The following SLC24A2 variants were observed in gnomAD, a reference collection of about 807,000 sequenced individuals.
The protein encoded by SLC24A2 is solute carrier family 24 member 2.
SLC24A2 carries 36 observed loss-of-function variants against 62.0 expected under a neutral mutation model. The ratio of observed to expected loss-of-function variants is 0.58; its 90% confidence interval spans 0.44 to 0.77. The LOEUF (loss-of-function observed/expected upper bound fraction) is 0.77. SLC24A2 is among the 30% of genes least tolerant of loss of function. SLC24A2 has a pLI of 0.00. For synonymous variants in SLC24A2, 358 were observed against 294.0 expected, an observed-to-expected ratio of 1.22 and a Z score of -2.23; for missense variants, 846 against 817.9, an observed-to-expected ratio of 1.03 and a Z score of -0.42.
chr9:19,976,573 TTC>T, the SLC24A2 span, among the ~76,000 whole-genome samples: 2 of 152,252 alleles, frequency 1.3e-5, no homozygotes, highest in Admixed American at 1.3e-4. Context: ...CAAACCTCTT[TTC>T]TTCATAAATT....
the SLC24A2 span, among the ~76,000 whole-genome samples, chr9:19,855,994 T>C: frequency 6.6e-6 from 1 of 152,218 alleles, no homozygotes; most frequent in Non-Finnish European, 1.5e-5. Context: ...CTTTTCATTT[T>C]TTTTCTCTAG....
the SLC24A2 span, among the ~76,000 whole-genome samples, chr9:20,154,270 G>A: frequency 6.6e-6 from 1 of 151,866 alleles, no homozygotes; most frequent in Non-Finnish European, 1.5e-5. Context: ...TGAGCAGAAA[G>A]CAAGCACAAA....
At chr9:20,056,155 CAA>C in the SLC24A2 span, among the ~76,000 whole-genome samples, 1 of 152,136 alleles carries the variant, frequency 6.6e-6, no homozygotes, top group Non-Finnish European at 1.5e-5. Context: ...ATATATTTAG[CAA>C]AGAGCCTGGC....
At chr9:19,535,731 T>C (rs1260785456) in intron 8 of SLC24A2, among the ~76,000 whole-genome samples, 1 of 152,194 alleles carries the variant, frequency 6.6e-6, no homozygotes. Flanking sequence ...GTGGTACCAG[T>C]ACCATGCTGT....
At chr9:19,947,512 C>A in the SLC24A2 span, among the ~76,000 whole-genome samples, 1 of 151,876 alleles carries the variant, frequency 6.6e-6, no homozygotes, top group African/African-American at 2.4e-5. Flanking sequence ...TTAGTTCGGC[C>A]GGGTGTGGTG....
chr9:20,226,828 C>T, the SLC24A2 span, among the ~76,000 whole-genome samples: 4 of 152,206 alleles, frequency 2.6e-5, no homozygotes, highest in African/African-American at 9.6e-5. Context: ...TGTATTACAA[C>T]CCCTACGGGG....
At chr9:19,696,038 A>G (rs1259362835) in intron 2 of SLC24A2, among the ~76,000 whole-genome samples, 2 of 152,148 alleles carry the variant, frequency 1.3e-5, no homozygotes, top group Non-Finnish European at 2.9e-5. Flanking sequence ...AGGTGGGCAA[A>G]GGGTGAGTGA....
intron 6 of SLC24A2, 70 bp from the exon 7 acceptor site, chr9:19,573,539 G>T: frequency 1.2e-6 from 1 of 850,086 alleles, no homozygotes; most frequent in South Asian, 1.3e-5. Flanking sequence ...CAGAGAGAGA[G>T]AGAGAGAGAG....
At chr9:19,516,711 T>C (rs1244386166) in intron 10 of SLC24A2, among the ~76,000 whole-genome samples, 1 of 152,196 alleles carries the variant, frequency 6.6e-6, no homozygotes, top group Non-Finnish European at 1.5e-5. Flanking sequence ...TTTGTTTCCT[T>C]CCTAGTTGAG....
the SLC24A2 span, among the ~76,000 whole-genome samples, chr9:19,933,170 G>A: frequency 3.9e-5 from 6 of 152,184 alleles, no homozygotes; most frequent in Non-Finnish European, 7.3e-5. Flanking sequence ...TGGGCACTTT[G>A]CTTGGACCTC....
At chr9:20,024,207 C>A in the SLC24A2 span, among the ~76,000 whole-genome samples, 2 of 152,180 alleles carry the variant, frequency 1.3e-5, no homozygotes, top group Admixed American at 6.5e-5. Flanking sequence ...CAAATCTAAA[C>A]AAAACGGAAC....
At chr9:19,669,758 A>G (rs1819362296) in intron 2 of SLC24A2, among the ~76,000 whole-genome samples, 1 of 152,218 alleles carries the variant, frequency 6.6e-6, no homozygotes, top group Non-Finnish European at 1.5e-5. Flanking sequence ...GACCCTTGTG[A>G]TGATTAGACC....
At chr9:20,142,527 C>A in the SLC24A2 span, among the ~76,000 whole-genome samples, 2 of 152,024 alleles carry the variant, frequency 1.3e-5, no homozygotes, top group Admixed American at 6.6e-5. Context: ...AAAGTTTCTA[C>A]GACACAACTA....
intron 8 of SLC24A2, among the ~76,000 whole-genome samples, chr9:19,532,605 TAAAG>T (rs917826356): frequency 7.2e-5 from 11 of 152,176 alleles, no homozygotes; most frequent in African/African-American, 2.4e-4. Context: ...TTTTAAGAGA[TAAAG>T]AAACTGATAA....
the SLC24A2 span, among the ~76,000 whole-genome samples, chr9:19,976,778 T>G: frequency 1.1e-4 from 17 of 152,320 alleles, no homozygotes; most frequent in Non-Finnish European, 2.1e-4. Context: ...CCTGTGGATA[T>G]CAAGGGACAA....
chr9:19,658,689 C>T (rs571465669), intron 2 of SLC24A2, among the ~76,000 whole-genome samples: 2 of 152,186 alleles, frequency 1.3e-5, no homozygotes, highest in Non-Finnish European at 2.9e-5. Flanking sequence ...CAATGATATC[C>T]TGCCCTGGGG....
At chr9:20,178,566 C>A in the SLC24A2 span, among the ~76,000 whole-genome samples, 1 of 152,104 alleles carries the variant, frequency 6.6e-6, no homozygotes, top group South Asian at 2.1e-4. Flanking sequence ...CCCTACCTCA[C>A]CCCTCAGGAA....
the SLC24A2 span, among the ~76,000 whole-genome samples, chr9:20,163,919 G>A: frequency 5.9e-5 from 9 of 152,242 alleles, no homozygotes; most frequent in Non-Finnish European, 1.0e-4. Flanking sequence ...TGGGAAAACT[G>A]GCTAGCCATA....
chr9:20,008,974 C>T, the SLC24A2 span, among the ~76,000 whole-genome samples: 1 of 152,164 alleles, frequency 6.6e-6, no homozygotes, highest in East Asian at 1.9e-4. Context: ...AGGAGTGAGG[C>T]TGAGACACCC....
Sources: gnomAD v4.1 joint callset for allele counts (sites outside exome capture counted in the v4.1 genomes callset) on GRCh38, gnomAD v4.1.1 for gene constraint, MANE v1.5 for transcripts, NCBI Gene and HGNC (gene_info 2026-07-23, HGNC 2026-07-21) for gene names.